Variants in WSCD2 observed in about 807,000 individuals in gnomAD.
The protein encoded by WSCD2 is sialate:O-sulfotransferase 2.
A neutral mutation model predicts 55.7 loss-of-function variants in WSCD2; 28 were observed. That is an observed-to-expected ratio of 0.50 (90% CI 0.37 to 0.69). The LOEUF (loss-of-function observed/expected upper bound fraction) is 0.69. WSCD2 is among the 30% of genes least tolerant of loss of function. The pLI is 0.00. For missense variants in WSCD2, 616 were observed against 762.1 expected, an observed-to-expected ratio of 0.81 and a Z score of 2.26; for synonymous variants, 301 against 301.9, an observed-to-expected ratio of 1.00 and a Z score of 0.03.
At chr12:108,130,735 A>G (rs1323976537) in intron 1 of WSCD2, among the ~76,000 whole-genome samples, 2 of 152,078 alleles carry the variant, frequency 1.3e-5, no homozygotes, top group Non-Finnish European at 2.9e-5. Context: ...TGGCTGCTCA[A>G]TGAGACCATT....
intron 1 of WSCD2, among the ~76,000 whole-genome samples, chr12:108,178,608 T>C (rs528322010): frequency 1.3e-5 from 2 of 152,356 alleles, no homozygotes; most frequent in South Asian, 4.1e-4. Context: ...TATTTTTACA[T>C]GTAAGCTAAG....
At chr12:108,207,613 T>C (rs573857873) in intron 3 of WSCD2, among the ~76,000 whole-genome samples, 1 of 143,950 alleles carries the variant, frequency 6.9e-6, no homozygotes, top group Non-Finnish European at 1.5e-5. Flanking sequence ...GGTCTCGATC[T>C]CCTGACCTCG....
At position 108,248,865 on chromosome 12, in the gene WSCD2, G is replaced by A. The variant is rs994249818; in HGVS notation, c.*522G>A. 1.0e-6 allele frequency: 1 copy of A among 988,550 alleles called. No homozygotes were observed. Among genetic ancestry groups the A allele is most frequent in the Non-Finnish European group, 1.2e-6 (1 of 831,682 alleles). The allele number at this position is 988,550 out of a possible 1,614,324, so 61.2% of individuals were successfully genotyped here. On this transcript the variant is annotated 3_prime_UTR_variant, in exon 9 of 9. Coordinates refer to ENST00000547525, the MANE Select transcript of WSCD2 (RefSeq NM_014653.4). This position sits in a 1 kb window ranked among gnomAD's most constrained non-coding sequence, Gnocchi z 4.3. ...CAGGCCACCTTCTGTTCTAAAGAAA[G>A]ATTGCTGGGAAGTTTCTCCGTGGCC...
At chr12:108,232,947 G>T (rs1158960921) in intron 7 of WSCD2, 52 bp downstream of exon 7, 1 of 1,590,558 alleles carries the variant, frequency 6.3e-7, no homozygotes, top group Admixed American at 1.7e-5. Context: ...GCTTGGGAAG[G>T]TCCCCACTTG....
chr12:108,164,205 TA>T (rs1879398407), intron 1 of WSCD2, among the ~76,000 whole-genome samples: 1 of 143,752 alleles, frequency 7.0e-6, no homozygotes, highest in African/African-American at 2.5e-5. Context: ...TGGTATACCT[TA>T]CATACTGTAA....
intron 1 of WSCD2, among the ~76,000 whole-genome samples, chr12:108,171,062 G>C (rs1184258380): frequency 1.3e-5 from 2 of 152,158 alleles, no homozygotes; most frequent in African/African-American, 4.8e-5. Context: ...TGAATCGCTG[G>C]GTACCTGGAC....
chr12:108,226,643 T>G (rs1888125543), intron 5 of WSCD2, among the ~76,000 whole-genome samples: 1 of 152,188 alleles, frequency 6.6e-6, no homozygotes, highest in South Asian at 2.1e-4. Flanking sequence ...ATTTCATCAC[T>G]TGTTTTGTTT....
intron 1 of WSCD2, among the ~76,000 whole-genome samples, chr12:108,137,094 G>C (rs952263997): frequency 2.6e-5 from 4 of 152,186 alleles, no homozygotes; most frequent in African/African-American, 9.7e-5. Context: ...TTCCCCACTT[G>C]GCTAAGATGG....
intron 2 of WSCD2, among the ~76,000 whole-genome samples, chr12:108,201,690 C>T (rs1884702466): frequency 6.6e-6 from 1 of 152,158 alleles, no homozygotes; most frequent in African/African-American, 2.4e-5. Flanking sequence ...GACTCCAGTA[C>T]AGCATGAGGC....
rs556331156 is a variant in WSCD2, at chr12:108,145,634, G to A, written c.-552+15708G>A. ...ATGCCCTATGACTCTGCTGTTTCAT[G>A]TCAAGATATACACTCAACAGAAATC... On this transcript the variant is annotated intron_variant, in intron 1 of 8. Coordinates refer to ENST00000547525, the MANE Select transcript of WSCD2 (RefSeq NM_014653.4). 4.6e-5 allele frequency among the ~76,000 whole-genome samples: 7 copies of A among 152,294 alleles called. No individual in the cohort carries two copies. The East Asian group carries it at 9.7e-4, about 21-fold the overall frequency.
Position 108,173,074 on chromosome 12 carries a change from C to T in WSCD2, c.-551-22208C>T, listed in dbSNP as rs115085566. ...CCTCCACAGACACTGGATCTGCTGGCGCCTTGATCTTGGACTTCCCAGACT... is the reference window on the plus strand; with the variant it reads ...CCTCCACAGACACTGGATCTGCTGGTGCCTTGATCTTGGACTTCCCAGACT... On this transcript the variant is annotated intron_variant, in intron 1 of 8. Coordinates refer to ENST00000547525, the MANE Select transcript of WSCD2 (RefSeq NM_014653.4). 5.5e-3 allele frequency among the ~76,000 whole-genome samples: 833 copies of T among 152,186 alleles called. 4 individuals are homozygous for T. The highest frequency in any genetic ancestry group is 0.019 in the African/African-American group (781 of 41,524).
At chr12:108,217,601 C>T (rs563487185) in intron 4 of WSCD2, among the ~76,000 whole-genome samples, 1 of 152,304 alleles carries the variant, frequency 6.6e-6, no homozygotes, top group Admixed American at 6.5e-5. Context: ...GCTCTCCAAC[C>T]TTTCCACCGG....
intron 8 of WSCD2, chr12:108,244,378 G>T: frequency 1.6e-6 from 1 of 642,426 alleles, no homozygotes; most frequent in Non-Finnish European, 2.9e-6. Flanking sequence ...TGCTGAAACA[G>T]CTTGGATATC....
In WSCD2 at chr12:108,224,750, G is replaced by T; in HGVS notation, c.694G>T (p.Val232Leu). The T allele has an allele frequency of 6.2e-7, 1 of 1,612,722 alleles. No homozygotes were observed. Residue 232 changes from valine (V) to leucine (L), a missense_variant, in exon 5 of 9, where the codon GTG becomes TTG. Val to Leu is a conservative substitution (Grantham distance 32, BLOSUM62 1). This residue lies in a region of WSCD2 where 374 missense variants were observed against 467.4 expected (regional missense o/e 0.80). Transcript: ENST00000547525. ...CTCTGGCTCTTCAGATGGAAGTGCA[G>T]TGTTCCGGGGCTGCTTCCGCAGGCC... ...QESARRYGSAVFRGCFRRPDN... is the reference protein window; with the variant it reads ...QESARRYGSALFRGCFRRPDN...
chr12:108,157,681 T>C (rs562649899), intron 1 of WSCD2, among the ~76,000 whole-genome samples: 4 of 152,348 alleles, frequency 2.6e-5, no homozygotes, highest in South Asian at 4.1e-4. Context: ...TGAGTGCAGC[T>C]GCTGTCTCCC....
intron 1 of WSCD2, among the ~76,000 whole-genome samples, chr12:108,138,027 C>T (rs1876400228): frequency 6.6e-6 from 1 of 152,224 alleles, no homozygotes; most frequent in African/African-American, 2.4e-5. Context: ...GACAGCTGTA[C>T]ATGAGCTACA....
At chr12:108,214,137 A>G (rs1275600712) in intron 4 of WSCD2, among the ~76,000 whole-genome samples, 1 of 152,248 alleles carries the variant, frequency 6.6e-6, no homozygotes, top group Non-Finnish European at 1.5e-5. Flanking sequence ...GCAAACAGCT[A>G]TGGCAGAAAC....
chr12:108,166,781 C>CTTTCTTTCTTTCTT (rs1565928923), intron 1 of WSCD2, among the ~76,000 whole-genome samples: 2 of 136,034 alleles, frequency 1.5e-5, no homozygotes, highest in Non-Finnish European at 3.2e-5. Flanking sequence ...TTCTTTCTTT[C>CTTTCTTTCTTTCTT]TTTCTTTCTG....
At chr12:108,138,662 G>C (rs1399949824) in intron 1 of WSCD2, among the ~76,000 whole-genome samples, 1 of 152,206 alleles carries the variant, frequency 6.6e-6, no homozygotes, top group African/African-American at 2.4e-5. Flanking sequence ...GTGGGCATCT[G>C]TTCAGGACTC....
Sources: gnomAD v4.1 joint callset for allele counts (sites outside exome capture counted in the v4.1 genomes callset) on GRCh38, gnomAD v4.1.1 for gene constraint, gnomAD v4.1.1 regional missense constraint, Gnocchi (gnomAD v3.1) non-coding constraint, MANE v1.5 for transcripts, NCBI Gene and HGNC (gene_info 2026-07-23, HGNC 2026-07-21) for gene names.